STAG2: variants seen among roughly 807,000 people sequenced by gnomAD.
STAG2 encodes the protein cohesin subunit SA-2.
Under a neutral mutation model 108.1 loss-of-function variants are expected in STAG2, and 14 were observed. The ratio of observed to expected loss-of-function variants is 0.13; its 90% CI spans 0.09 to 0.20. STAG2 has a LOEUF of 0.20. STAG2 is among the 10% of genes least tolerant of loss of function. The probability of loss-of-function intolerance (pLI) is 1.00; values close to 1 mark genes in which losing one functional copy is unlikely to be tolerated. For missense variants in STAG2, 440 were observed against 940.9 expected (o/e 0.47, Z 6.96); for synonymous variants, 307 against 302.7 (o/e 1.01, Z -0.15).
At chrX:123,992,255 A>G (rs2055520433) in intron 1 of STAG2, among the ~76,000 whole-genome samples, 1 of 111,106 alleles carries the variant, frequency 9.0e-6, no homozygotes, top group Non-Finnish European at 1.9e-5. Context: ...GGTGTATGTC[A>G]CCTCTGAAGA....
chrX:123,974,473 C>T (rs964093310), intron 1 of STAG2, among the ~76,000 whole-genome samples: 1 of 108,978 alleles, frequency 9.2e-6, no homozygotes, highest in Non-Finnish European at 1.9e-5. Context: ...TGATAACACC[C>T]GTCTTGGCCT....
chrX:124,020,242 G>T (rs2056880204), intron 1 of STAG2, among the ~76,000 whole-genome samples: 1 of 111,800 alleles, frequency 8.9e-6, no homozygotes, highest in Non-Finnish European at 1.9e-5. Context: ...TGATTCCTTA[G>T]GTGACTGTAT....
chrX:124,094,171 A>G (rs745580171), intron 33 of STAG2, 27 bp downstream of exon 33: 1 of 1,175,893 alleles, frequency 8.5e-7, no homozygotes, highest in Non-Finnish European at 1.2e-6. Flanking sequence ...TTTCTGTAAG[A>G]TTTTCAGTTT....
At chrX:124,061,986 C>T in intron 17 of STAG2, 112 bp downstream of exon 17, 2 of 598,846 alleles carry the variant, frequency 3.3e-6, no homozygotes, top group South Asian at 3.8e-5. Flanking sequence ...TTTCAGACAA[C>T]CTTTGCTTAT....
intron 1 of STAG2, among the ~76,000 whole-genome samples, chrX:124,002,681 A>G (rs1354711420): frequency 9.1e-6 from 1 of 109,812 alleles, no homozygotes; most frequent in African/African-American, 3.3e-5. Context: ...CTGGAGTGCA[A>G]TGGCGCGATC....
At position 124,031,044 on chromosome X, in the gene STAG2, A is replaced by G. The variant is rs2057317567; in HGVS notation, c.207A>G (p.Arg69=). 3 of 1,211,456 alleles carry G rather than the reference A, an allele frequency of 2.5e-6. No individual in the cohort carries two copies. The highest frequency in any genetic ancestry group is 1.8e-5 in the South Asian group (1 of 56,838). The change falls in exon 5 of 35, where the codon CGA becomes CGG. Residue 69 remains arginine (R), a synonymous_variant. Transcript: ENST00000371145. ...GAAAACCTCCTTCTGGTCCAAACCG[A>G]ATGAATGGTCATCACCAACAGAATG... ...GGGKPPSGPN[R]MNGHHQQNGV... is the part of the protein sequence containing the mutation.
intron 1 of STAG2, among the ~76,000 whole-genome samples, chrX:123,998,566 A>G (rs1244333393): frequency 1.1e-5 from 1 of 94,723 alleles, no homozygotes; most frequent in African/African-American, 3.9e-5. Context: ...TTTCTCACCA[A>G]TATTTTTTTG....
intron 28 of STAG2, among the ~76,000 whole-genome samples, chrX:124,082,974 TTAGA>T (rs1347832528): frequency 2.7e-5 from 3 of 111,360 alleles, no homozygotes; most frequent in Non-Finnish European, 5.7e-5. Context: ...AAAATGGGCC[TTAGA>T]TGGGGTTTAA....
chrX:124,042,674 A>G (rs913576183), intron 7 of STAG2, 29 bp downstream of exon 7: 3 of 975,628 alleles, frequency 3.1e-6, no homozygotes, highest in Non-Finnish European at 4.4e-6. Context: ...TGTTTTGATA[A>G]CTTATGCATG....
intron 1 of STAG2, among the ~76,000 whole-genome samples, chrX:123,966,006 A>G (rs1046173050): frequency 9.0e-6 from 1 of 111,011 alleles, no homozygotes; most frequent in African/African-American, 3.3e-5. Flanking sequence ...TCAAAAAAAA[A>G]TTAAAAATAA....
chrX:124,058,154 C>CTTTTTTTTT (rs999044036), intron 15 of STAG2, among the ~76,000 whole-genome samples, 177 bp downstream of exon 15: 98 of 72,937 alleles, frequency 1.3e-3, no homozygotes, highest in East Asian at 2.2e-3. Flanking sequence ...TACTTTTCTT[C>CTTTTTTTTT]TTTTTTTTTT....
At chrX:123,985,889 G>C (rs1240308696) in intron 1 of STAG2, among the ~76,000 whole-genome samples, 2 of 109,693 alleles carry the variant, frequency 1.8e-5, no homozygotes, top group Non-Finnish European at 3.8e-5. Context: ...TTTCAGAGGA[G>C]CTAAGAAACT....
At chrX:124,024,619 G>GT (rs748751867) in intron 3 of STAG2, among the ~76,000 whole-genome samples, 1 of 111,179 alleles carries the variant, frequency 9.0e-6, no homozygotes, top group African/African-American at 3.3e-5. Flanking sequence ...TGTATAAATA[G>GT]TATTTTTTTT....
chrX:124,045,426 T>G, intron 8 of STAG2, 58 bp downstream of exon 8: 1 of 998,833 alleles, frequency 1.0e-6, no homozygotes, highest in Non-Finnish European at 1.4e-6. Flanking sequence ...AAAAAGATTC[T>G]CATTTAAAGA....
rs187139250 is a variant in STAG2, at chrX:123,965,019, C to T, written c.-163+3163C>T. Among the ~76,000 whole-genome samples, 103 of 103,303 alleles carry T rather than the reference C, an allele frequency of 1.0e-3. 1 individual carries two copies. The highest frequency in any genetic ancestry group is 1.9e-3 in the Non-Finnish European group (95 of 51,287). The allele number at this position is 103,303 out of a possible 115,157, so 89.7% of individuals were successfully genotyped here. ...TTCAGTGTCAGGTTTATTTTTTTCC[C>T]CCAGGAGATACATTTTAAAAATACA... On this transcript the variant is annotated intron_variant, in intron 1 of 34. Transcript: ENST00000371145.
At chrX:124,028,988 TA>T (rs2057226868) in intron 4 of STAG2, among the ~76,000 whole-genome samples, 3 of 62,016 alleles carry the variant, frequency 4.8e-5, no homozygotes, top group Admixed American at 1.7e-4. Flanking sequence ...TTTTTATTTA[TA>T]TATATATATA....
chrX:124,079,226 C>T (rs954548810), intron 27 of STAG2, among the ~76,000 whole-genome samples: 4 of 107,252 alleles, frequency 3.7e-5, no homozygotes, highest in Middle Eastern at 9.7e-3. Flanking sequence ...GCAGGCTCCA[C>T]CTCCCAGGTT....
At chrX:123,984,457 A>G (rs1440926136) in intron 1 of STAG2, among the ~76,000 whole-genome samples, 2 of 110,754 alleles carry the variant, frequency 1.8e-5, no homozygotes, top group African/African-American at 6.6e-5. Context: ...AGCATTTACC[A>G]GTACTTGGTA....
At chrX:123,977,646 G>T (rs1347353414) in intron 1 of STAG2, among the ~76,000 whole-genome samples, 1 of 109,342 alleles carries the variant, frequency 9.1e-6, no homozygotes, top group East Asian at 2.8e-4. Context: ...TAAAAATAAT[G>T]AAAAAAAATA....
Sources: allele counts gnomAD v4.1 joint callset (sites outside exome capture counted in the v4.1 genomes callset), GRCh38; gene constraint gnomAD v4.1.1; transcripts MANE v1.5; gene names NCBI Gene and HGNC (gene_info 2026-07-23, HGNC 2026-07-21).